Variants in MCTP1 observed in about 807,000 individuals in gnomAD.
MCTP1 encodes the protein multiple C2 and transmembrane domain containing 1, also known as multiple C2 and transmembrane domain-containing protein 1.
MCTP1 carries 69 observed loss-of-function variants against 120.6 expected under a neutral mutation model. The observed-to-expected ratio is 0.57, with a 90% confidence interval of 0.47 to 0.70. The LOEUF (loss-of-function observed/expected upper bound fraction) is 0.70. Among genes scored for constraint, MCTP1 ranks in the 30% least tolerant of loss-of-function variants. MCTP1 has a pLI of 0.00. For missense variants in MCTP1, 1,203 were observed against 1,248.8 expected, an observed-to-expected ratio of 0.96 and a Z score of 0.55; for synonymous variants, 529 against 493.1, an observed-to-expected ratio of 1.07 and a Z score of -0.96.
intron 1 of MCTP1, among the ~76,000 whole-genome samples, chr5:95,142,976 A>C (rs961636209): frequency 6.6e-6 from 1 of 152,366 alleles, no homozygotes; most frequent in South Asian, 2.1e-4. Flanking sequence ...CTGTGCAAAT[A>C]AAATATACTG....
At chr5:94,746,708 A>G (rs938401484) in intron 19 of MCTP1, among the ~76,000 whole-genome samples, 2 of 152,216 alleles carry the variant, frequency 1.3e-5, no homozygotes, top group African/African-American at 4.8e-5. Context: ...TGTCATAAAG[A>G]TAGGTAAATT....
intron 1 of MCTP1, chr5:95,038,200 C>A: frequency 1.5e-6 from 1 of 685,816 alleles, no homozygotes; most frequent in Non-Finnish European, 1.8e-6. Flanking sequence ...AAAACATGAA[C>A]ATGGAATTAA....
chr5:94,888,776 AT>A, intron 12 of MCTP1, 102 bp downstream of exon 12: 1 of 644,232 alleles, frequency 1.6e-6, no homozygotes, highest in Non-Finnish European at 2.7e-6. Context: ...TAAATTATTT[AT>A]TTTGATGATC....
intron 2 of MCTP1, among the ~76,000 whole-genome samples, chr5:94,988,044 G>A (rs1232724841): frequency 6.6e-6 from 1 of 152,054 alleles, no homozygotes; most frequent in Non-Finnish European, 1.5e-5. Context: ...CATGCATTAC[G>A]AATAGGTTCT....
At chr5:95,281,521 G>A (rs893194218) in intron 1 of MCTP1, among the ~76,000 whole-genome samples, 6 of 152,206 alleles carry the variant, frequency 3.9e-5, no homozygotes, top group Non-Finnish European at 8.8e-5. Flanking sequence ...CCCATGAGCA[G>A]CAGACGCTAG....
chr5:95,013,047 A>C (rs1393129902), intron 2 of MCTP1, among the ~76,000 whole-genome samples: 1 of 152,200 alleles, frequency 6.6e-6, no homozygotes, highest in African/African-American at 2.4e-5. Context: ...ACACTACTGC[A>C]GTGAACACAT....
intron 10 of MCTP1, among the ~76,000 whole-genome samples, chr5:94,906,275 C>A (rs1238876526): frequency 1.3e-5 from 2 of 152,058 alleles, no homozygotes; most frequent in Admixed American, 6.5e-5. Flanking sequence ...TGCTTGAGCT[C>A]AGGTCTTCAA....
At chr5:95,235,620 T>A (rs564639823) in intron 1 of MCTP1, among the ~76,000 whole-genome samples, 3 of 152,290 alleles carry the variant, frequency 2.0e-5, no homozygotes, top group East Asian at 3.9e-4. Context: ...AGAAATTTTT[T>A]TTAAAAAGTG....
intron 17 of MCTP1, among the ~76,000 whole-genome samples, chr5:94,809,616 C>T (rs2153059126): frequency 6.6e-6 from 1 of 152,178 alleles, no homozygotes; most frequent in South Asian, 2.1e-4. Context: ...CTTTGTAATT[C>T]ACAGAAGTTC....
intron 17 of MCTP1, among the ~76,000 whole-genome samples, chr5:94,865,998 G>A (rs1343252924): frequency 6.6e-6 from 1 of 151,906 alleles, no homozygotes; most frequent in Non-Finnish European, 1.5e-5. Context: ...AACTTAATCA[G>A]AGGTTAGAAT....
At chr5:95,151,084 C>T (rs1760851649) in intron 1 of MCTP1, among the ~76,000 whole-genome samples, 1 of 149,478 alleles carries the variant, frequency 6.7e-6, no homozygotes, top group South Asian at 2.1e-4. Context: ...TTCTGCTCAG[C>T]CTCCCAAGTA....
At chr5:94,869,163 A>G (rs1052350182) in intron 16 of MCTP1, among the ~76,000 whole-genome samples, 5 of 152,040 alleles carry the variant, frequency 3.3e-5, no homozygotes, top group African/African-American at 9.7e-5. Context: ...CATGACTACA[A>G]CTGTAAAAAA....
chr5:95,107,559 G>A (rs1757170406), intron 1 of MCTP1, among the ~76,000 whole-genome samples: 1 of 152,182 alleles, frequency 6.6e-6, no homozygotes, highest in African/African-American at 2.4e-5. Context: ...AGGTTAAGAG[G>A]TACAGCAAGC....
intron 19 of MCTP1, among the ~76,000 whole-genome samples, chr5:94,756,642 G>A (rs894120490): frequency 2.0e-5 from 3 of 152,180 alleles, no homozygotes; most frequent in Non-Finnish European, 4.4e-5. Context: ...AAATATCAGA[G>A]GGGAGATGAC....
At chr5:95,115,875 G>C (rs766434519) in intron 1 of MCTP1, among the ~76,000 whole-genome samples, 3 of 151,976 alleles carry the variant, frequency 2.0e-5, no homozygotes, top group Non-Finnish European at 4.4e-5. Context: ...GATTCTAAAA[G>C]TAGCAAGAGA....
At chr5:94,976,564 G>A (rs1305002567) in intron 2 of MCTP1, among the ~76,000 whole-genome samples, 1 of 152,038 alleles carries the variant, frequency 6.6e-6, no homozygotes, top group Non-Finnish European at 1.5e-5. Context: ...AATTTCTTCA[G>A]AGCAACCAAC....
intron 1 of MCTP1, among the ~76,000 whole-genome samples, chr5:95,087,902 T>C (rs1346229064): frequency 6.6e-6 from 1 of 151,932 alleles, no homozygotes; most frequent in Non-Finnish European, 1.5e-5. Flanking sequence ...CTTGAGGGAG[T>C]TGAGGAGCAA....
chr5:95,268,314 G>C (rs1201417682), intron 1 of MCTP1, among the ~76,000 whole-genome samples: 1 of 152,072 alleles, frequency 6.6e-6, no homozygotes, highest in African/African-American at 2.4e-5. Flanking sequence ...TAAAATCGTT[G>C]GTACTTAATT....
intron 1 of MCTP1, among the ~76,000 whole-genome samples, chr5:95,082,916 A>G (rs1469128780): frequency 6.6e-6 from 1 of 152,100 alleles, no homozygotes; most frequent in Non-Finnish European, 1.5e-5. Context: ...TTCCCTGACT[A>G]CCTCCCCTGA....
Sources: allele counts gnomAD v4.1 joint callset (sites outside exome capture counted in the v4.1 genomes callset), GRCh38; gene constraint gnomAD v4.1.1; transcripts MANE v1.5; gene names NCBI Gene and HGNC (gene_info 2026-07-23, HGNC 2026-07-21).